Variants in CACNA1D observed in about 807,000 individuals in gnomAD.
The protein encoded by CACNA1D is calcium voltage-gated channel subunit alpha1 D, also known as voltage-dependent L-type calcium channel subunit alpha-1D.
CACNA1D carries 55 observed loss-of-function variants against 257.1 expected under a neutral mutation model. That is an observed-to-expected ratio of 0.21 (90% CI 0.17 to 0.27). The LOEUF is 0.27. Ranked by LOEUF, CACNA1D falls within the 10% of genes least tolerant of loss-of-function variation. CACNA1D has a pLI of 1.00. For synonymous variants in CACNA1D, 980 were observed against 1,014.9 expected, an observed-to-expected ratio of 0.97 and a Z score of 0.65; for missense variants, 1,876 against 2,784.0, an observed-to-expected ratio of 0.67 and a Z score of 7.34.
At chr3:53,809,247 T>C (rs966801162) in intron 46 of CACNA1D, 2 of 172,230 alleles carry the variant, frequency 1.2e-5, no homozygotes, top group Non-Finnish European at 2.5e-5. Context: ...GGGAGCAGTC[T>C]GGGGAGAACA....
intron 8 of CACNA1D, among the ~76,000 whole-genome samples, chr3:53,685,807 A>G (rs2094469118): frequency 6.6e-6 from 1 of 152,172 alleles, no homozygotes; most frequent in African/African-American, 2.4e-5. Context: ...AGGGACATTT[A>G]TAGCTATATC....
At chr3:53,661,181 G>A (rs2094200296) in intron 5 of CACNA1D, among the ~76,000 whole-genome samples, 1 of 152,208 alleles carries the variant, frequency 6.6e-6, no homozygotes, top group Admixed American at 6.5e-5. Flanking sequence ...TGGTGCGTCT[G>A]AGCAAGAATA....
rs2095384479 is a variant in CACNA1D at position 53,774,380 on chromosome 3, C to G, written c.4111-207C>G. On this transcript the variant is annotated intron_variant, in intron 33 of 47. Coordinates refer to ENST00000350061, the MANE Select transcript of CACNA1D (RefSeq NM_001128840.3). The surrounding 1 kb of genome is among the most constrained non-coding windows in gnomAD (Gnocchi z 4.3). Reference sequence around the variant, plus strand: ...AGATCCGCGAATGTGAGACCGTGCCCCTCTGGAGCACCACGTTCCCAGTGT... The same window carrying G: ...AGATCCGCGAATGTGAGACCGTGCCGCTCTGGAGCACCACGTTCCCAGTGT... 2 of 569,282 alleles carry G rather than the reference C, an allele frequency of 3.5e-6. No individual in the cohort carries two copies. Among genetic ancestry groups the G allele is most frequent in the Non-Finnish European group, 3.2e-6 (1 of 317,412 alleles). The allele number at this position is 569,282 out of a possible 1,614,324, so 35.3% of individuals were successfully genotyped here.
intron 8 of CACNA1D, among the ~76,000 whole-genome samples, chr3:53,693,461 ATTTT>A (rs10576296): frequency 1.4e-5 from 2 of 142,466 alleles, no homozygotes; most frequent in Admixed American, 7.0e-5. Flanking sequence ...CATTGCTGTT[ATTTT>A]TTTTTTTTTT....
intron 3 of CACNA1D, among the ~76,000 whole-genome samples, chr3:53,557,953 T>C (rs1356329916): frequency 6.6e-6 from 1 of 152,254 alleles, no homozygotes; most frequent in Admixed American, 6.5e-5. Flanking sequence ...AGAATTGATA[T>C]TTCAATCATA....
rs192821199 is a variant in CACNA1D at position 53,686,822 on chromosome 3, G to A, written c.1220+13696G>A. Among the ~76,000 whole-genome samples the A allele has an allele frequency of 1.1e-3, 164 of 152,030 alleles. 1 individual carries two copies. Among genetic ancestry groups the A allele is most frequent in the African/African-American group, 3.6e-3 (150 of 41,504 alleles). On this transcript the variant is annotated intron_variant, in intron 8 of 47. Coordinates refer to ENST00000350061, the MANE Select transcript of CACNA1D (RefSeq NM_001128840.3). ...CTGAAGGTAAGACAAAGAGATAAAAGGCAGAAAGATTGGAAAGAAAGAAAA... is the reference window on the plus strand; with the variant it reads ...CTGAAGGTAAGACAAAGAGATAAAAAGCAGAAAGATTGGAAAGAAAGAAAA...
At chr3:53,605,606 A>G (rs191704602) in intron 3 of CACNA1D, among the ~76,000 whole-genome samples, 2 of 152,370 alleles carry the variant, frequency 1.3e-5, no homozygotes, top group Admixed American at 6.5e-5. Context: ...GATGGTTAGT[A>G]TTGTGGTGAA....
At position 53,673,118 on chromosome 3, in the gene CACNA1D, A is replaced by G. The variant is rs1385908332; in HGVS notation, c.1212A>G (p.Val404=). 1.3e-6 allele frequency: 2 copies of G among 1,548,088 alleles called. No individual in the cohort carries two copies. The highest frequency in any genetic ancestry group is 2.0e-5 in the Admixed American group (1 of 50,984). Reference sequence around the variant, plus strand: ...TCGTACTAAATCTTGTACTTGGTGTATTGAGCGGGTAAGCTACACCTCTTT... The same window carrying G: ...TCGTACTAAATCTTGTACTTGGTGTGTTGAGCGGGTAAGCTACACCTCTTT... ...SFFVLNLVLG[V]LSGEFSKERE... The change falls in exon 8 of 48, where the codon GTA becomes GTG. Residue 404 remains valine (V), a synonymous_variant. Transcript: ENST00000350061. The surrounding 1 kb of genome is among the most constrained non-coding windows in gnomAD (Gnocchi z 4.1).
intron 9 of CACNA1D, among the ~76,000 whole-genome samples, chr3:53,715,439 G>A (rs920187556): frequency 6.6e-6 from 1 of 152,098 alleles, no homozygotes; most frequent in Admixed American, 6.6e-5. Flanking sequence ...CAGAGGTATG[G>A]AAGATGGCTC....
At chr3:53,569,582 C>T (rs960974085) in intron 3 of CACNA1D, among the ~76,000 whole-genome samples, 1 of 152,186 alleles carries the variant, frequency 6.6e-6, no homozygotes, top group African/African-American at 2.4e-5. Context: ...TCAACTCTCC[C>T]TACTAGTATT....
chr3:53,503,462 G>A (rs576985085), intron 3 of CACNA1D, among the ~76,000 whole-genome samples: 7 of 152,324 alleles, frequency 4.6e-5, no homozygotes, highest in Admixed American at 2.0e-4. Context: ...CGTGGATGGT[G>A]ACCCAGATTG....
chr3:53,675,581 C>T (rs544272118), intron 8 of CACNA1D, among the ~76,000 whole-genome samples: 2 of 151,828 alleles, frequency 1.3e-5, no homozygotes, highest in African/African-American at 4.8e-5. Flanking sequence ...GGAGCCAGAT[C>T]GTGAGGTGCT....
chr3:53,725,178 C>A (rs1252508274), intron 14 of CACNA1D, among the ~76,000 whole-genome samples: 1 of 152,166 alleles, frequency 6.6e-6, no homozygotes, highest in African/African-American at 2.4e-5. Context: ...GTTAAGCTAC[C>A]TATAGGAGAC....
At chr3:53,794,902 T>A (rs1382646246) in intron 40 of CACNA1D, among the ~76,000 whole-genome samples, 43 of 152,190 alleles carry the variant, frequency 2.8e-4, no homozygotes. Context: ...GAGAACTGCT[T>A]TGGGGGAATG....
intron 38 of CACNA1D, 51 bp from the exon 39 acceptor site, chr3:53,781,515 C>A: frequency 8.2e-7 from 1 of 1,222,956 alleles, no homozygotes; most frequent in Non-Finnish European, 1.2e-6. Flanking sequence ...AGAGGAGGAG[C>A]TGGGGAACAG....
intron 3 of CACNA1D, among the ~76,000 whole-genome samples, chr3:53,650,539 C>T (rs1374517709): frequency 6.6e-6 from 1 of 152,236 alleles, no homozygotes; most frequent in African/African-American, 2.4e-5. Flanking sequence ...AAAATGCAGT[C>T]ATGCAGCCTG....
At chr3:53,514,120 T>TA (rs550093856) in intron 3 of CACNA1D, among the ~76,000 whole-genome samples, 218 of 152,160 alleles carry the variant, frequency 1.4e-3, no homozygotes, top group African/African-American at 2.9e-3. Context: ...GAGATACTGT[T>TA]AAAAAAATCC....
In CACNA1D at chr3:53,780,102, G is replaced by A. The variant is rs765670623; in HGVS notation, c.4664G>A (p.Arg1555Gln). The A allele has an allele frequency of 4.3e-6, 7 of 1,613,862 alleles. No individual in the cohort carries two copies. The highest frequency in any genetic ancestry group is 8.5e-7 in the Non-Finnish European group (1 of 1,179,748). ...MFNATLFALV[R>Q]TALKIKTEGN... ...AATGCAACCCTGTTTGCTTTGGTTC[G>A]AACGGCTCTTAAGATCAAGACCGAA... is the stretch of plus-strand genomic sequence containing the variant. The change falls in exon 38 of 48, where the codon CGA becomes CAA. Residue 1555 changes from arginine to glutamine, a missense_variant. Physicochemically the swap from Arg to Gln is conservative, Grantham distance 43. This residue lies in a region of CACNA1D where 83 missense variants were observed against 210.7 expected (regional missense o/e 0.39). Transcript: ENST00000350061.
chr3:53,710,171 A>G (rs1329367866), intron 9 of CACNA1D, among the ~76,000 whole-genome samples: 1 of 152,202 alleles, frequency 6.6e-6, no homozygotes, highest in East Asian at 1.9e-4. Context: ...TTGATTTAGA[A>G]CAGGTTCTTA....
Sources: allele counts gnomAD v4.1 joint callset (sites outside exome capture counted in the v4.1 genomes callset), GRCh38; gene constraint gnomAD v4.1.1; regional missense constraint gnomAD v4.1.1; non-coding constraint Gnocchi (gnomAD v3.1); transcripts MANE v1.5; gene names NCBI Gene and HGNC (gene_info 2026-07-23, HGNC 2026-07-21).